Variants in TMEM117 observed in about 807,000 individuals in gnomAD.
TMEM117 encodes transmembrane protein 117.
Under a neutral mutation model 52.4 loss-of-function variants are expected in TMEM117, and 27 were observed. The observed-to-expected ratio is 0.51, with a 90% CI of 0.38 to 0.71. TMEM117 has a LOEUF of 0.71. Ranked by LOEUF, TMEM117 falls within the 30% of genes least tolerant of loss-of-function variation. TMEM117 has a pLI of 0.00. For missense variants in TMEM117, 556 were observed against 630.5 expected (o/e 0.88, Z 1.26); for synonymous variants, 215 against 206.3 (o/e 1.04, Z -0.36).
chr12:44,130,188 A>G (rs562814821), intron 3 of TMEM117, among the ~76,000 whole-genome samples: 5 of 152,228 alleles, frequency 3.3e-5, no homozygotes, highest in Non-Finnish European at 7.3e-5. Flanking sequence ...GAAATAATCT[A>G]CCTGCATAAA....
the TMEM117 span, among the ~76,000 whole-genome samples, chr12:43,819,790 G>C: frequency 5.3e-5 from 8 of 151,038 alleles, no homozygotes; most frequent in African/African-American, 2.0e-4. Flanking sequence ...AAGAGAGAAA[G>C]AGAGAGAGAG....
chr12:43,853,495 C>T (rs1482621442), intron 2 of TMEM117, among the ~76,000 whole-genome samples: 2 of 152,162 alleles, frequency 1.3e-5, no homozygotes, highest in East Asian at 1.9e-4. Flanking sequence ...AGGATGGTCT[C>T]GATCTCCTGA....
intron 2 of TMEM117, among the ~76,000 whole-genome samples, chr12:43,922,288 A>G (rs1351669168): frequency 6.6e-6 from 1 of 152,184 alleles, no homozygotes; most frequent in African/African-American, 2.4e-5. Flanking sequence ...TTGGAGCAGT[A>G]ATTGAATTGT....
intron 3 of TMEM117, among the ~76,000 whole-genome samples, chr12:43,962,599 A>G (rs1396803743): frequency 6.6e-6 from 1 of 152,122 alleles, no homozygotes. Context: ...ACATAGTTTA[A>G]TTCTCTCTCC....
intron 2 of TMEM117, among the ~76,000 whole-genome samples, chr12:43,877,489 G>A (rs557308085): frequency 1.3e-5 from 2 of 151,882 alleles, no homozygotes; most frequent in Non-Finnish European, 2.9e-5. Context: ...CAAAAAATTA[G>A]CTGGACATAG....
chr12:43,872,960 A>G (rs758252471), intron 2 of TMEM117, among the ~76,000 whole-genome samples: 1 of 152,306 alleles, frequency 6.6e-6, no homozygotes, highest in South Asian at 2.1e-4. Flanking sequence ...ATCTTGAAAT[A>G]AAAGATAAGT....
At chr12:44,190,961 A>ATT (rs945773628) in intron 4 of TMEM117, among the ~76,000 whole-genome samples, 1 of 145,198 alleles carries the variant, frequency 6.9e-6, no homozygotes, top group Non-Finnish European at 1.5e-5. Context: ...GCTAATATAT[A>ATT]TTATATATAT....
chr12:44,243,400 A>G (rs918166989), intron 5 of TMEM117, among the ~76,000 whole-genome samples: 3 of 151,784 alleles, frequency 2.0e-5, no homozygotes, highest in Non-Finnish European at 4.4e-5. Flanking sequence ...GAGAGTTTAC[A>G]CACTCCTGAA....
Position 44,318,489 on chromosome 12 carries a change from G to A in TMEM117, c.768+18750G>A, listed in dbSNP as rs954749963. The A allele has an allele frequency of 2.0e-5, 3 of 152,128 alleles. No individual in the cohort carries two copies. In the East Asian group the frequency reaches 5.8e-4, roughly 29 times the overall value. The allele number at this position is 152,128 out of a possible 1,614,324, so 9.4% of individuals were successfully genotyped here. On this transcript the variant is annotated intron_variant, in intron 6 of 7. Coordinates refer to ENST00000266534, the MANE Select transcript of TMEM117 (RefSeq NM_032256.3). ...CCTAATCTATCCACAGGAAAGGTAG[G>A]GTGGCTAAGGTTGCTGATCCAGGCA... is the stretch of plus-strand genomic sequence containing the variant.
intron 4 of TMEM117, among the ~76,000 whole-genome samples, chr12:44,199,810 C>T (rs1949469462): frequency 1.3e-5 from 2 of 152,236 alleles, no homozygotes; most frequent in South Asian, 4.1e-4. Context: ...AATCTACCTA[C>T]TAAATGCTGT....
At chr12:43,986,294 A>C (rs1473439194) in intron 3 of TMEM117, among the ~76,000 whole-genome samples, 2 of 152,204 alleles carry the variant, frequency 1.3e-5, no homozygotes, top group Non-Finnish European at 2.9e-5. Context: ...AAAATCATCT[A>C]CAGTTAATGT....
At chr12:43,971,925 C>A (rs1881928) in intron 3 of TMEM117, among the ~76,000 whole-genome samples, 135,944 of 152,222 alleles carry the variant, frequency 0.89, 61,502 homozygotes, top group Non-Finnish European at 0.96. Flanking sequence ...CCCTCCAGCC[C>A]CTGGCAACCA....
chr12:44,010,938 C>CAA (rs1436397825), intron 3 of TMEM117, among the ~76,000 whole-genome samples: 1 of 152,152 alleles, frequency 6.6e-6, no homozygotes, highest in African/African-American at 2.4e-5. Flanking sequence ...ATAACAGAAA[C>CAA]AAAAGTCTTT....
intron 4 of TMEM117, among the ~76,000 whole-genome samples, chr12:44,198,399 G>A (rs542775020): frequency 6.6e-6 from 1 of 152,094 alleles, no homozygotes; most frequent in African/African-American, 2.4e-5. Flanking sequence ...CAACAAAGCA[G>A]GGCCACCACA....
At position 44,303,652 on chromosome 12, in the gene TMEM117, A is replaced by G. The variant is rs1163821256; in HGVS notation, c.768+3913A>G. 2.0e-5 allele frequency among the ~76,000 whole-genome samples: 3 copies of G among 152,218 alleles called. No individual in the cohort carries two copies. In the East Asian group the frequency reaches 5.8e-4, roughly 29 times the overall value. ...TAAATTGTAGAGAAAACATTCTTCT[A>G]AGGAAAACTTTATCTCAGTTTCTGT... On this transcript the variant is annotated intron_variant, in intron 6 of 7. Transcript: ENST00000266534.
intron 6 of TMEM117, among the ~76,000 whole-genome samples, chr12:44,366,682 T>C (rs139820613): frequency 3.3e-5 from 5 of 152,082 alleles, no homozygotes; most frequent in African/African-American, 9.7e-5. Flanking sequence ...CATATTATCA[T>C]TGGGTGGTCC....
chr12:43,933,235 T>C (rs2137585371), intron 2 of TMEM117, among the ~76,000 whole-genome samples: 1 of 152,032 alleles, frequency 6.6e-6, no homozygotes, highest in South Asian at 2.1e-4. Flanking sequence ...GGAGTCTTAC[T>C]GTCGCCCAGG....
At chr12:43,813,500 T>A in the TMEM117 span, among the ~76,000 whole-genome samples, 4 of 151,958 alleles carry the variant, frequency 2.6e-5, no homozygotes, top group Non-Finnish European at 5.9e-5. Context: ...GTGCTGAGAT[T>A]ACAGGTGTGA....
chr12:44,333,240 T>C (rs533598871), intron 6 of TMEM117, among the ~76,000 whole-genome samples: 10 of 152,188 alleles, frequency 6.6e-5, no homozygotes, highest in Admixed American at 1.3e-4. Flanking sequence ...AGTAGTGTCA[T>C]TTATTTGATA....
Sources: allele counts gnomAD v4.1 joint callset (sites outside exome capture counted in the v4.1 genomes callset), GRCh38; gene constraint gnomAD v4.1.1; transcripts MANE v1.5; gene names NCBI Gene and HGNC (gene_info 2026-07-23, HGNC 2026-07-21).